The following LRPPRC variants were observed in gnomAD, a reference collection of about 807,000 sequenced individuals.
LRPPRC encodes leucine rich pentatricopeptide repeat containing.
Under a neutral mutation model 180.3 loss-of-function variants are expected in LRPPRC, and 120 were observed. The ratio of observed to expected loss-of-function variants is 0.67; its 90% CI spans 0.57 to 0.77. LRPPRC has a LOEUF of 0.77. LRPPRC is among the 30% of genes least tolerant of loss of function. The pLI is 0.00. For missense variants in LRPPRC, 2,012 were observed against 1,657.2 expected (o/e 1.21, Z -3.72); for synonymous variants, 723 against 600.0 (o/e 1.21, Z -3.00).
intron 11 of LRPPRC, among the ~76,000 whole-genome samples, chr2:43,964,715 T>G (rs1351619743): frequency 6.6e-6 from 1 of 152,182 alleles, no homozygotes; most frequent in Non-Finnish European, 1.5e-5. Flanking sequence ...AACTATAATT[T>G]TTTTTAAAAT....
chr2:43,909,877 G>A (rs1357156575), intron 30 of LRPPRC, among the ~76,000 whole-genome samples: 1 of 152,076 alleles, frequency 6.6e-6, no homozygotes, highest in East Asian at 1.9e-4. Flanking sequence ...CAAATAGACG[G>A]TCATGCTTAC....
At chr2:43,936,466 T>C (rs1672283512) in intron 23 of LRPPRC, among the ~76,000 whole-genome samples, 1 of 152,192 alleles carries the variant, frequency 6.6e-6, no homozygotes, top group African/African-American at 2.4e-5. Flanking sequence ...TTGTAGAGAA[T>C]ATAAATTTCT....
At chr2:43,979,997 CATAG>C in intron 2 of LRPPRC, 49 bp from the exon 3 acceptor site, 1 of 1,570,566 alleles carries the variant, frequency 6.4e-7, no homozygotes, top group African/African-American at 1.4e-5. Flanking sequence ...AGCAATATCA[CATAG>C]ATAAATATCA....
chr2:43,888,395 T>TATC lies in LRPPRC; in HGVS notation c.*202_*204dup. The TATC allele has an allele frequency of 2.0e-6, 1 of 502,176 alleles. No homozygotes were observed. Among genetic ancestry groups the TATC allele is most frequent in the Non-Finnish European group, 3.6e-6 (1 of 277,322 alleles). The allele number at this position is 502,176 out of a possible 1,614,324, so 31.1% of individuals were successfully genotyped here. A position where few individuals can be genotyped will look rare whatever the true frequency, so the allele number is the denominator to read the frequency against. ...ACAGCAGCAGCATTGAAGAAAACAC[T>TATC]ATCGATTTTTCCCAGAGAAAAAAAC... On this transcript the variant is annotated 3_prime_UTR_variant, in exon 38 of 38. Transcript: ENST00000260665.
At chr2:43,994,412 C>G (rs565513243) in intron 1 of LRPPRC, among the ~76,000 whole-genome samples, 1 of 152,190 alleles carries the variant, frequency 6.6e-6, no homozygotes, top group Non-Finnish European at 1.5e-5. Context: ...TAGTAACCAA[C>G]AAAGCACTTA....
chr2:43,943,721 T>A lies in LRPPRC; in HGVS notation c.2470A>T (p.Ile824Leu). ...TGTACAGTGACCAATGGGAAACTTA[T>A]GTTGGTGGATGGTTCTGCTAACCCT... is the stretch of plus-strand genomic sequence containing the variant. ...TLGLAEPSTNISFPLVTVHLE... is the reference protein window; with the variant it reads ...TLGLAEPSTNLSFPLVTVHLE... Residue 824 changes from isoleucine to leucine, a missense_variant, in exon 23 of 38, where the codon ATA (isoleucine) becomes TTA (leucine). Coordinates refer to ENST00000260665, the MANE Select transcript of LRPPRC (RefSeq NM_133259.4). 6.2e-7 allele frequency: 1 copy of A among 1,613,454 alleles called. No homozygotes were observed. Among genetic ancestry groups the A allele is most frequent in the African/African-American group, 1.3e-5 (1 of 75,034 alleles).
intron 30 of LRPPRC, among the ~76,000 whole-genome samples, chr2:43,907,445 G>C (rs1671099919): frequency 6.6e-6 from 1 of 152,026 alleles, no homozygotes; most frequent in Admixed American, 6.6e-5. Context: ...ACCTAATTTT[G>C]ATCTTTCCTT....
At chr2:43,989,751 G>A (rs980179094) in intron 1 of LRPPRC, among the ~76,000 whole-genome samples, 1 of 152,188 alleles carries the variant, frequency 6.6e-6, no homozygotes, top group South Asian at 2.1e-4. Flanking sequence ...TGTAACATAT[G>A]TTGCAACATA....
intron 13 of LRPPRC, among the ~76,000 whole-genome samples, chr2:43,957,671 T>C (rs2103650969): frequency 6.6e-6 from 1 of 152,346 alleles, no homozygotes; most frequent in Non-Finnish European, 1.5e-5. Context: ...CATGAATATA[T>C]ACAACTAATT....
chr2:43,889,580 C>T (rs1670407546), intron 37 of LRPPRC, among the ~76,000 whole-genome samples, 154 bp downstream of exon 37: 1 of 152,160 alleles, frequency 6.6e-6, no homozygotes, highest in Admixed American at 6.5e-5. Context: ...GCAGCCAAGG[C>T]ATGCTGCTCA....
intron 13 of LRPPRC, chr2:43,959,315 C>G (rs1225450742): frequency 2.3e-5 from 15 of 661,236 alleles, no homozygotes; most frequent in Middle Eastern, 2.4e-4. Context: ...ACAACAGTCA[C>G]CATTTTTCAT....
chr2:43,981,659 C>CA (rs1349961161), intron 2 of LRPPRC, among the ~76,000 whole-genome samples: 69 of 137,638 alleles, frequency 5.0e-4, no homozygotes, highest in Non-Finnish European at 5.9e-4. Context: ...TACTCCATCC[C>CA]AAAAAAAAAA....
In LRPPRC at chr2:43,948,021, ATTTT is replaced by A. The variant is rs1042113454; in HGVS notation, c.1920+97_1920+100del. On this transcript the variant is annotated intron_variant, in intron 18 of 37. Coordinates refer to ENST00000260665, the MANE Select transcript of LRPPRC (RefSeq NM_133259.4). ...GTTTTAATGGCTGTCATTGAAACAA[ATTTT>A]TTTTCTGACCAAAAGCATCATATTT... The A allele has an allele frequency of 5.9e-5, 51 of 862,858 alleles. No individual in the cohort carries two copies. In the South Asian group the frequency reaches 7.1e-4, roughly 12 times the overall value. The allele number at this position is 862,858 out of a possible 1,614,324, so 53.5% of individuals were successfully genotyped here. A position where few individuals can be genotyped will look rare whatever the true frequency, so the allele number is the denominator to read the frequency against.
chr2:43,965,654 C>A (rs887951818), intron 11 of LRPPRC, among the ~76,000 whole-genome samples: 1 of 152,106 alleles, frequency 6.6e-6, no homozygotes, highest in Non-Finnish European at 1.5e-5. Context: ...AAGGAACTCA[C>A]AAATTTCAAT....
chr2:43,943,985 G>T, intron 22 of LRPPRC, 91 bp from the exon 23 acceptor site: 1 of 867,376 alleles, frequency 1.2e-6, no homozygotes, highest in Non-Finnish European at 1.9e-6. Context: ...CAGCAGGAAT[G>T]TAAATTCTAG....
intron 27 of LRPPRC, among the ~76,000 whole-genome samples, chr2:43,922,988 G>A (rs1363531223): frequency 6.6e-6 from 1 of 152,014 alleles, no homozygotes; most frequent in African/African-American, 2.4e-5. Flanking sequence ...CTCCTAAGAA[G>A]CTAACCACAC....
intron 27 of LRPPRC, among the ~76,000 whole-genome samples, chr2:43,920,189 G>A (rs901495340): frequency 1.3e-5 from 2 of 151,802 alleles, no homozygotes; most frequent in Non-Finnish European, 2.9e-5. Context: ...AGGCTGGAGT[G>A]CAGTGGCCCG....
chr2:43,893,705 C>T (rs750784710), intron 36 of LRPPRC, among the ~76,000 whole-genome samples: 1 of 152,068 alleles, frequency 6.6e-6, no homozygotes, highest in Non-Finnish European at 1.5e-5. Flanking sequence ...TGGTCTGGAA[C>T]CATATCTTCC....
intron 13 of LRPPRC, among the ~76,000 whole-genome samples, chr2:43,958,682 A>G (rs951433056): frequency 6.6e-6 from 1 of 152,200 alleles, no homozygotes; most frequent in Non-Finnish European, 1.5e-5. Context: ...TACAAACACA[A>G]GTGGGAAAAT....
Sources: gnomAD v4.1 joint callset for allele counts (sites outside exome capture counted in the v4.1 genomes callset) on GRCh38, gnomAD v4.1.1 for gene constraint, MANE v1.5 for transcripts, NCBI Gene and HGNC (gene_info 2026-07-23, HGNC 2026-07-21) for gene names.